Variants in RGL1 observed in about 807,000 individuals in gnomAD.
RGL1 encodes the protein ral guanine nucleotide dissociation stimulator like 1.
In RGL1, 24 loss-of-function variants were observed where a neutral mutation model predicts 95.2. That is an observed-to-expected ratio of 0.25 (90% CI 0.18 to 0.35). The LOEUF (loss-of-function observed/expected upper bound fraction) is 0.35, where lower values mean the gene tolerates loss of function less well. Among genes scored for constraint, RGL1 ranks in the 10% least tolerant of loss-of-function variants. The pLI is 1.00. For missense variants in RGL1, 715 were observed against 936.3 expected (o/e 0.76, Z 3.08); for synonymous variants, 329 against 344.9 (o/e 0.95, Z 0.51).
intron 2 of RGL1, among the ~76,000 whole-genome samples, chr1:183,744,184 C>A (rs1657481881): frequency 6.6e-6 from 1 of 152,118 alleles, no homozygotes; most frequent in African/African-American, 2.4e-5. Flanking sequence ...GTTTAAAATT[C>A]AAATTCCTAA....
At chr1:183,713,095 G>A (rs927056168) in intron 1 of RGL1, among the ~76,000 whole-genome samples, 13 of 152,084 alleles carry the variant, frequency 8.5e-5, no homozygotes, top group Admixed American at 5.2e-4. Flanking sequence ...GCATGATCTC[G>A]GCTAACTGCA....
At chr1:183,856,019 T>A (rs1467588812) in intron 3 of RGL1, among the ~76,000 whole-genome samples, 2 of 152,286 alleles carry the variant, frequency 1.3e-5, no homozygotes, top group South Asian at 2.1e-4. Flanking sequence ...ACAGTTGAGA[T>A]TTAGTGGTTG....
chr1:183,838,562 T>C (rs1663821421), intron 2 of RGL1, among the ~76,000 whole-genome samples: 1 of 152,194 alleles, frequency 6.6e-6, no homozygotes. Context: ...TCAGAGCACA[T>C]TGGTTTGTCA....
intron 2 of RGL1, among the ~76,000 whole-genome samples, chr1:183,807,542 C>T (rs73061568): frequency 6.6e-6 from 1 of 152,202 alleles, no homozygotes; most frequent in African/African-American, 2.4e-5. Context: ...GTAGTGGTAA[C>T]GTGTGACTTG....
chr1:183,786,339 G>A (rs1660178426), intron 2 of RGL1, among the ~76,000 whole-genome samples: 1 of 152,150 alleles, frequency 6.6e-6, no homozygotes, highest in South Asian at 2.1e-4. Context: ...AGGAATTTGA[G>A]GATACAGTGA....
chr1:183,800,540 A>G (rs1660935431), upstream of RGL1, among the ~76,000 whole-genome samples: 1 of 152,180 alleles, frequency 6.6e-6, no homozygotes, highest in South Asian at 2.1e-4. Context: ...ATCTTCCCCT[A>G]TTTAGCAGAT....
intron 1 of RGL1, among the ~76,000 whole-genome samples, chr1:183,678,029 TA>T (rs1652950059): frequency 6.6e-6 from 1 of 152,228 alleles, no homozygotes; most frequent in Admixed American, 6.5e-5. Context: ...AGTCCTTATT[TA>T]AAATATCAAT....
chr1:183,647,221 A>G (rs758801530), intron 1 of RGL1: 1 of 153,764 alleles, frequency 6.5e-6, no homozygotes, highest in Non-Finnish European at 1.4e-5. Context: ...GTCCATGATT[A>G]ACAATTAATA....
At chr1:183,668,146 C>T (rs1382461382) in intron 1 of RGL1, among the ~76,000 whole-genome samples, 1 of 152,106 alleles carries the variant, frequency 6.6e-6, no homozygotes, top group Non-Finnish European at 1.5e-5. Context: ...CTCAAATGCT[C>T]TTCCTTTCTT....
At chr1:183,695,039 T>G (rs541935129) in intron 1 of RGL1, among the ~76,000 whole-genome samples, 1 of 152,330 alleles carries the variant, frequency 6.6e-6, no homozygotes, top group South Asian at 2.1e-4. Context: ...CATGCTCCAA[T>G]CACTAAAGCT....
chr1:183,827,682 G>A (rs1244521193), intron 2 of RGL1, among the ~76,000 whole-genome samples: 1 of 152,208 alleles, frequency 6.6e-6, no homozygotes, highest in Non-Finnish European at 1.5e-5. Flanking sequence ...CTCCACAGTT[G>A]CCTCTTAGTC....
At chr1:183,857,621 T>C (rs2102568051) in intron 3 of RGL1, among the ~76,000 whole-genome samples, 1 of 152,334 alleles carries the variant, frequency 6.6e-6, no homozygotes, top group Non-Finnish European at 1.5e-5. Flanking sequence ...CAGAATGTGA[T>C]GGGCATTGTT....
chr1:183,704,124 A>T (rs1654762053), intron 1 of RGL1, among the ~76,000 whole-genome samples: 1 of 152,206 alleles, frequency 6.6e-6, no homozygotes. Flanking sequence ...TTGTAGGTGT[A>T]CTTGTTTGGC....
At chr1:183,894,112 G>A (rs1341991483) in intron 9 of RGL1, among the ~76,000 whole-genome samples, 1 of 152,184 alleles carries the variant, frequency 6.6e-6, no homozygotes, top group East Asian at 1.9e-4. Flanking sequence ...TACTTTAAAT[G>A]GAAACCCATC....
At chr1:183,738,186 G>A (rs1230425229) in intron 1 of RGL1, among the ~76,000 whole-genome samples, 2 of 152,182 alleles carry the variant, frequency 1.3e-5, no homozygotes, top group African/African-American at 4.8e-5. Flanking sequence ...TTGGGAGGCC[G>A]AGGCAGGCAG....
intron 2 of RGL1, among the ~76,000 whole-genome samples, chr1:183,829,331 A>G (rs543490466): frequency 7.3e-4 from 111 of 152,134 alleles, no homozygotes; most frequent in African/African-American, 2.2e-3. Flanking sequence ...AGTCCCAGCT[A>G]TTCAGGAAGC....
chr1:183,873,163 G>C (rs1033748590), intron 4 of RGL1, among the ~76,000 whole-genome samples: 1 of 152,078 alleles, frequency 6.6e-6, no homozygotes, highest in East Asian at 1.9e-4. Context: ...TCAAAAAGAA[G>C]ACAGATCAAT....
chr1:183,859,665 G>C (rs1271022795), intron 3 of RGL1, among the ~76,000 whole-genome samples: 1 of 152,146 alleles, frequency 6.6e-6, no homozygotes, highest in Admixed American at 6.5e-5. Flanking sequence ...GCTTTTTCTA[G>C]TCAGGGAAAA....
chr1:183,719,779 G>A (rs1287962218), intron 1 of RGL1, among the ~76,000 whole-genome samples: 1 of 152,126 alleles, frequency 6.6e-6, no homozygotes, highest in South Asian at 2.1e-4. Flanking sequence ...GGTGGCGCAT[G>A]CCTGTAATTC....
Sources: gnomAD v4.1 joint callset for allele counts (sites outside exome capture counted in the v4.1 genomes callset) on GRCh38, gnomAD v4.1.1 for gene constraint, MANE v1.5 for transcripts, NCBI Gene and HGNC (gene_info 2026-07-23, HGNC 2026-07-21) for gene names.